Variants in VGLL4 observed in about 807,000 individuals in gnomAD.
The protein encoded by VGLL4 is vestigial like family member 4.
A neutral mutation model predicts 21.0 loss-of-function variants in VGLL4; 7 were observed. The observed-to-expected ratio is 0.33, with a 90% CI of 0.19 to 0.63. The LOEUF is 0.63. VGLL4 is among the 20% of genes least tolerant of loss of function. The pLI is 0.78. For missense variants in VGLL4, 394 were observed against 425.7 expected (o/e 0.93, Z 0.66); for synonymous variants, 222 against 173.2 (o/e 1.28, Z -2.21).
At chr3:11,574,674 TTAA>T (rs1412662865) in intron 2 of VGLL4, among the ~76,000 whole-genome samples, 1 of 152,118 alleles carries the variant, frequency 6.6e-6, no homozygotes, top group Non-Finnish European at 1.5e-5. Context: ...AAAGAAACGA[TTAA>T]TGTTTGATGG....
chr3:11,708,509 G>A (rs1442579642), intron 1 of VGLL4, among the ~76,000 whole-genome samples: 1 of 152,174 alleles, frequency 6.6e-6, no homozygotes, highest in East Asian at 1.9e-4. Context: ...CCTGAGGTGG[G>A]CAGCACAGGG....
At position 11,643,776 on chromosome 3, in the gene VGLL4, C is replaced by A; in HGVS notation, c.-258G>T. The stretch of plus-strand genomic sequence containing the variant: ...TATCCCCGATCGAGTATGAAAACAG[C>A]GTTTCAGAAGTCCTTACAAGTCCTT... On this transcript the variant is annotated 5_prime_UTR_variant, in exon 1 of 5. Transcript: ENST00000430365. The A allele has an allele frequency of 8.4e-7, 1 of 1,195,408 alleles. No homozygotes were observed. The highest frequency in any genetic ancestry group is 1.0e-6 in the Non-Finnish European group (1 of 961,898). 74.1% of individuals were successfully genotyped at this position (1,195,408 alleles called of 1,614,324 possible).
chr3:11,627,230 A>ACACACACACTCTCT (rs1491347863), intron 1 of VGLL4: 12 of 123,268 alleles, frequency 9.7e-5, no homozygotes, highest in African/African-American at 3.6e-4. Context: ...ACACACACAC[A>ACACACACACTCTCT]CTCTCTCTCT....
At chr3:11,633,852 G>A (rs768003068) in intron 1 of VGLL4, among the ~76,000 whole-genome samples, 9 of 152,144 alleles carry the variant, frequency 5.9e-5, no homozygotes, top group East Asian at 1.9e-4. Context: ...GGGTGTGAGC[G>A]AACATGGAAA....
intron 4 of VGLL4, 75 bp from the exon 5 acceptor site, chr3:11,558,902 C>A: frequency 6.5e-7 from 1 of 1,539,096 alleles, no homozygotes; most frequent in South Asian, 1.2e-5. Context: ...AGCACCCTCC[C>A]TCAGGCAGCC....
rs1199048861 is a variant in VGLL4, at chr3:11,643,494, A to G, written c.25T>C (p.Leu9=). MLFMKMDL[L]NYQYLDKMNN... is the part of the protein sequence containing the mutation. ...ATCTTGTCCAAGTACTGATAGTTCA[A>G]CAGGTCCATCTTCATAAATAGCATT... The change falls in exon 1 of 5, where the codon TTG becomes CTG. Residue 9 remains leucine (L), a synonymous_variant. Coordinates refer to ENST00000430365, the MANE Select transcript of VGLL4 (RefSeq NM_001128219.3). 1.2e-6 allele frequency: 2 copies of G among 1,613,910 alleles called. No homozygotes were observed. The highest frequency in any genetic ancestry group is 1.7e-6 in the Non-Finnish European group (2 of 1,179,904).
intron 2 of VGLL4, among the ~76,000 whole-genome samples, chr3:11,676,682 T>C (rs1449622329): frequency 1.3e-5 from 2 of 151,892 alleles, no homozygotes; most frequent in Non-Finnish European, 2.9e-5. Context: ...CATATAAATA[T>C]AAAAAACATC....
Position 11,671,383 on chromosome 3 carries a change from T to C in VGLL4, c.64+31588A>G, listed in dbSNP as rs180953559. ...CTACGATTCTGCATTTCTAACAAGTTCCCAGGTGACGCTGTGGGCCACATG... is the reference window on the plus strand; with the variant it reads ...CTACGATTCTGCATTTCTAACAAGTCCCCAGGTGACGCTGTGGGCCACATG... On this transcript the variant is annotated intron_variant, in intron 2 of 5. Coordinates refer to the VGLL4 transcript ENST00000273038. 88 of 963,350 alleles carry C rather than the reference T, an allele frequency of 9.1e-5. 1 individual carries two copies. The Admixed American group carries it at 9.3e-4, about 10-fold the overall frequency. 59.7% of individuals were successfully genotyped at this position (963,350 alleles called of 1,614,324 possible). A position where few individuals can be genotyped will look rare whatever the true frequency, so the allele number is the denominator to read the frequency against.
rs59999510 is a variant in VGLL4, at chr3:11,665,101, C to CTTTTTTTTTTTTTTT, written c.64+37855_64+37869dup. Among the ~76,000 whole-genome samples the CTTTTTTTTTTTTTTT allele has an allele frequency of 5.2e-5, 5 of 96,950 alleles. 1 individual carries two copies. The highest frequency in any genetic ancestry group is 2.0e-4 in the African/African-American group (4 of 20,474). 63.6% of individuals were successfully genotyped at this position (96,950 alleles called of 152,430 possible). ...AAATGAAAGCAATTTGAATATTTTT[C>CTTTTTTTTTTTTTTT]TTTTTTTTTTTTTTTTTTTTTTTTT... is the stretch of plus-strand genomic sequence containing the variant. On this transcript the variant is annotated intron_variant, in intron 2 of 5. Coordinates refer to the VGLL4 transcript ENST00000273038.
chr3:11,697,978 T>A (rs2076627818), intron 2 of VGLL4, among the ~76,000 whole-genome samples: 1 of 152,140 alleles, frequency 6.6e-6, no homozygotes, highest in Non-Finnish European at 1.5e-5. Context: ...AAAGCACTAT[T>A]CCCTCCACCA....
chr3:11,703,044 G>C, exon 2 of VGLL4: 1 of 1,604,076 alleles, frequency 6.2e-7, no homozygotes, highest in Non-Finnish European at 8.5e-7. Flanking sequence ...TTCCTGGTTG[G>C]AGCCTAAGAG....
Position 11,601,941 on chromosome 3 carries a change from G to A in VGLL4, c.164C>T (p.Pro55Leu), listed in dbSNP as rs753162290. Residue 55 changes from proline (P) to leucine (L), a missense_variant, in exon 2 of 5, where the codon CCC becomes CTC. Coordinates refer to ENST00000430365, the MANE Select transcript of VGLL4 (RefSeq NM_001128219.3). ...SALSSHRTGP[P>L]PISPSKRKFS... ...CTTCCTCTTGCTGGGGCTGATTGGG[G>A]GAGGGCCGGTGCGGTGACTGCTGAG... 1 of 1,613,400 alleles carries A rather than the reference G, an allele frequency of 6.2e-7. No homozygotes were observed. Among genetic ancestry groups the A allele is most frequent in the East Asian group, 2.2e-5 (1 of 44,778 alleles).
At chr3:11,581,006 G>A (rs1303868543) in intron 2 of VGLL4, among the ~76,000 whole-genome samples, 1 of 150,716 alleles carries the variant, frequency 6.6e-6, no homozygotes, top group Non-Finnish European at 1.5e-5. Flanking sequence ...GGTGTACAGT[G>A]TTACAAAGTG....
chr3:11,702,438 C>T (rs1321988296), intron 2 of VGLL4, among the ~76,000 whole-genome samples: 7 of 141,858 alleles, frequency 4.9e-5, no homozygotes, highest in Admixed American at 3.0e-4. Context: ...GGTAAAACCC[C>T]GCCTCTACTA....
At chr3:11,676,324 T>C (rs1409032978) in intron 2 of VGLL4, among the ~76,000 whole-genome samples, 1 of 151,710 alleles carries the variant, frequency 6.6e-6, no homozygotes, top group Non-Finnish European at 1.5e-5. Context: ...GAGGCGGAGC[T>C]TGCAGTGAGC....
At chr3:11,579,896 G>A (rs1161031299) in intron 2 of VGLL4, among the ~76,000 whole-genome samples, 3 of 152,134 alleles carry the variant, frequency 2.0e-5, no homozygotes. Flanking sequence ...TGCCCTCCAA[G>A]CTGCCTGACT....
At chr3:11,590,660 AAG>A (rs1399698105) in intron 2 of VGLL4, among the ~76,000 whole-genome samples, 53 of 121,592 alleles carry the variant, frequency 4.4e-4, no homozygotes, top group African/African-American at 1.7e-3. Flanking sequence ...TTTCAAAATG[AAG>A]AGTGTGTGTG....
intron 2 of VGLL4, among the ~76,000 whole-genome samples, chr3:11,580,405 C>T (rs2074191970): frequency 6.6e-6 from 1 of 152,216 alleles, no homozygotes; most frequent in Admixed American, 6.5e-5. Flanking sequence ...GTGATGAGCA[C>T]TTGGGTTGTT....
Position 11,687,191 on chromosome 3 carries a change from C to G in VGLL4, c.64+15780G>C, listed in dbSNP as rs370959367. Among the ~76,000 whole-genome samples the G allele has an allele frequency of 2.6e-5, 4 of 152,246 alleles. No homozygotes were observed. In the East Asian group the frequency reaches 5.8e-4, roughly 22 times the overall value. ...CCACCTCTTATCTTTCAAAATTTTT[C>G]AGGTAAACTTAAGAATCAGCTTATC... On this transcript the variant is annotated intron_variant, in intron 2 of 5. Coordinates refer to the VGLL4 transcript ENST00000273038.
Sources: allele counts gnomAD v4.1 joint callset (sites outside exome capture counted in the v4.1 genomes callset), GRCh38; gene constraint gnomAD v4.1.1; transcripts MANE v1.5; gene names NCBI Gene and HGNC (gene_info 2026-07-23, HGNC 2026-07-21).